IFT140: variants seen among roughly 807,000 people sequenced by gnomAD.
The protein encoded by IFT140 is intraflagellar transport 140, also known as intraflagellar transport protein 140 homolog.
IFT140 carries 133 observed loss-of-function variants against 164.6 expected under a neutral mutation model. The ratio of observed to expected loss-of-function variants is 0.81; its 90% confidence interval spans 0.70 to 0.93. The LOEUF is 0.93. Among genes scored for constraint, IFT140 ranks in the 40% least tolerant of loss-of-function variants. The pLI is 0.00. For synonymous variants in IFT140, 860 were observed against 817.3 expected (o/e 1.05, Z -0.89); for missense variants, 2,045 against 1,972.3 (o/e 1.04, Z -0.70).
chr16:1,543,786 G>A (rs2031887011), intron 19 of IFT140, among the ~76,000 whole-genome samples: 1 of 152,176 alleles, frequency 6.6e-6, no homozygotes, highest in Non-Finnish European at 1.5e-5. Context: ...GCTGACCCGA[G>A]GGCCATAAAA....
chr16:1,534,937 G>C (rs2030911908), intron 19 of IFT140, among the ~76,000 whole-genome samples: 1 of 152,186 alleles, frequency 6.6e-6, no homozygotes. Context: ...GGGCGCAGTG[G>C]TTCACGTCTG....
At chr16:1,557,812 C>T in intron 19 of IFT140, 123 bp downstream of exon 19, 1 of 942,338 alleles carries the variant, frequency 1.1e-6, no homozygotes, top group Middle Eastern at 3.4e-4. Context: ...CCATGAAATA[C>T]ACCATGACGC....
chr16:1,609,042 C>T (rs1189395291), intron 2 of IFT140, among the ~76,000 whole-genome samples: 1 of 152,068 alleles, frequency 6.6e-6, no homozygotes, highest in Non-Finnish European at 1.5e-5. Context: ...GTAATCCCAG[C>T]TACTCAGGAG....
At chr16:1,558,812 C>T (rs774016074) in intron 18 of IFT140, among the ~76,000 whole-genome samples, 13 of 152,248 alleles carry the variant, frequency 8.5e-5, no homozygotes, top group Non-Finnish European at 1.2e-4. Context: ...CGGATCACGA[C>T]GCAGCCTTCT....
Position 1,534,217 on chromosome 16 carries a change from G to A in IFT140, c.2400-7421C>T, listed in dbSNP as rs1262168496. 5.7e-6 allele frequency: 9 copies of A among 1,592,030 alleles called. No homozygotes were observed. The African/African-American group carries it at 8.1e-5, about 14-fold the overall frequency. On this transcript the variant is annotated intron_variant, in intron 19 of 30. Coordinates refer to ENST00000426508, the MANE Select transcript of IFT140 (RefSeq NM_014714.4). ...CTAGCAGCGTCGGCTCTCCCTGGACGTGCGGCCGCGGACTGGGACTTGGCT... is the reference window on the plus strand; with the variant it reads ...CTAGCAGCGTCGGCTCTCCCTGGACATGCGGCCGCGGACTGGGACTTGGCT...
At chr16:1,563,019 C>G (rs2033502542) in intron 17 of IFT140, among the ~76,000 whole-genome samples, 2 of 152,088 alleles carry the variant, frequency 1.3e-5, no homozygotes, top group Admixed American at 1.3e-4. Context: ...AAGGGCGCAT[C>G]ATCACAGAGC....
chr16:1,583,962 T>C (rs1160268467), intron 11 of IFT140, among the ~76,000 whole-genome samples: 1 of 152,206 alleles, frequency 6.6e-6, no homozygotes, highest in Non-Finnish European at 1.5e-5. Flanking sequence ...CTCGAACTCC[T>C]GACCTCAAGT....
intron 17 of IFT140, 116 bp from the exon 18 acceptor site, chr16:1,562,232 T>C: frequency 2.5e-6 from 2 of 815,446 alleles, no homozygotes; most frequent in Non-Finnish European, 3.5e-6. Context: ...TGCTACACAC[T>C]GCGTCATGGT....
chr16:1,604,345 C>A (rs2035955877), intron 3 of IFT140: 1 of 142,166 alleles, frequency 7.0e-6, no homozygotes, highest in African/African-American at 2.8e-5. Flanking sequence ...TAAGGGGCCA[C>A]TTAGCCACTT....
At chr16:1,555,119 C>A in intron 19 of IFT140, 1 of 1,480,412 alleles carries the variant, frequency 6.8e-7, no homozygotes, top group Non-Finnish European at 9.0e-7. Flanking sequence ...TTCCCCTGCT[C>A]GTGCAGAGGC....
chr16:1,596,197 C>A (rs968427795), intron 4 of IFT140, among the ~76,000 whole-genome samples: 3 of 149,400 alleles, frequency 2.0e-5, no homozygotes. Flanking sequence ...AATGACCCCC[C>A]CATCCCCCTC....
At chr16:1,563,446 C>CCGTCTCAAAAAAAAAAAAAAAAA (rs1567375165) in intron 17 of IFT140, among the ~76,000 whole-genome samples, 1 of 150,696 alleles carries the variant, frequency 6.6e-6, no homozygotes, top group African/African-American at 2.5e-5. Context: ...GAGAGAGACT[C>CCGTCTCAAAAAAAAAAAAAAAAA]AAAAAACAAA....
At chr16:1,561,472 C>T (rs1395654880) in intron 18 of IFT140, among the ~76,000 whole-genome samples, 1 of 152,286 alleles carries the variant, frequency 6.6e-6, no homozygotes, top group East Asian at 1.9e-4. Flanking sequence ...GAAGCCAGAA[C>T]CCTACTGAAA....
intron 4 of IFT140, among the ~76,000 whole-genome samples, chr16:1,598,552 C>T (rs891379412): frequency 6.6e-6 from 1 of 152,152 alleles, no homozygotes; most frequent in African/African-American, 2.4e-5. Flanking sequence ...ACACTTAGAC[C>T]CACCAGGGAG....
At position 1,520,761 on chromosome 16, in the gene IFT140, G is replaced by C. The variant is rs377319314; in HGVS notation, c.3501C>G (p.Thr1167=). ...CGGTCATCTTTTCCGCCATCTCCTC[G>C]GTGATGCTCATGTTCTGCCCCAGGC... ...QLCLGQNMSI[T]EEMAEKMTVA... Residue 1167 remains threonine, a synonymous_variant, in exon 27 of 31, where the codon ACC becomes ACG. Transcript: ENST00000426508. 1.1e-5 allele frequency: 17 copies of C among 1,608,546 alleles called. No homozygotes were observed. The highest frequency in any genetic ancestry group is 1.4e-5 in the Non-Finnish European group (16 of 1,179,986).
chr16:1,556,641 GAC>G (rs1419956291), intron 19 of IFT140, among the ~76,000 whole-genome samples: 1 of 152,182 alleles, frequency 6.6e-6, no homozygotes, highest in Non-Finnish European at 1.5e-5. Context: ...GACTGTCTAT[GAC>G]ACACTCAGCA....
chr16:1,516,244 C>CAAAAT (rs1289249068), intron 30 of IFT140, among the ~76,000 whole-genome samples: 10 of 139,712 alleles, frequency 7.2e-5, no homozygotes, highest in African/African-American at 2.3e-4. Context: ...TTAATTTCTT[C>CAAAAT]AAAATACATA....
In IFT140 at chr16:1,563,998, G is replaced by A. The variant is rs147290396; in HGVS notation, c.2066C>T (p.Ala689Val). Residue 689 changes from alanine to valine, a missense_variant and splice_region_variant, in exon 17 of 31, where the codon GCG becomes GTG. Coordinates refer to ENST00000426508, the MANE Select transcript of IFT140 (RefSeq NM_014714.4). ...GQPQDGRAGPAADVLILSFFI... is the reference protein window; with the variant it reads ...GQPQDGRAGPVADVLILSFFI... ...TCAAATACAACAGGCAGAGCGTACC[G>A]CAGGGCCAGCGCGCCCATCTTGGGG... 3.8e-5 allele frequency: 59 copies of A among 1,572,768 alleles called. No homozygotes were observed. The highest frequency in any genetic ancestry group is 1.2e-4 in the African/African-American group (9 of 73,600).
At chr16:1,518,868 A>G (rs1199474028) in intron 29 of IFT140, among the ~76,000 whole-genome samples, 1 of 152,074 alleles carries the variant, frequency 6.6e-6, no homozygotes, top group African/African-American at 2.4e-5. Flanking sequence ...CTGGAACACA[A>G]CATGGTCCAG....
Sources: gnomAD v4.1 joint callset for allele counts (sites outside exome capture counted in the v4.1 genomes callset) on GRCh38, gnomAD v4.1.1 for gene constraint, MANE v1.5 for transcripts, NCBI Gene and HGNC (gene_info 2026-07-23, HGNC 2026-07-21) for gene names.